Variants in FSTL4 observed in about 807,000 individuals in gnomAD.
FSTL4 encodes the protein follistatin-related protein 4.
In FSTL4, 28 loss-of-function variants were observed where a neutral mutation model predicts 78.2. The observed-to-expected ratio is 0.36, with a 90% confidence interval of 0.27 to 0.49. The LOEUF (loss-of-function observed/expected upper bound fraction) is 0.49. Ranked by LOEUF, FSTL4 falls within the 20% of genes least tolerant of loss-of-function variation. FSTL4 has a pLI of 0.98. For missense variants in FSTL4, 922 were observed against 1,084.9 expected (o/e 0.85, Z 2.11); for synonymous variants, 422 against 440.5 (o/e 0.96, Z 0.53).
intron 4 of FSTL4, among the ~76,000 whole-genome samples, chr5:133,358,789 G>A (rs1755001877): frequency 6.6e-6 from 1 of 151,874 alleles, no homozygotes; most frequent in Non-Finnish European, 1.5e-5. Flanking sequence ...TATTAGAGAT[G>A]GGGTTTCACC....
In FSTL4 at chr5:133,558,637, T is replaced by G. The variant is rs543833975; in HGVS notation, c.160+8549A>C. On this transcript the variant is annotated intron_variant, in intron 3 of 15. Coordinates refer to ENST00000265342, the MANE Select transcript of FSTL4 (RefSeq NM_015082.2). ...ATTTTGTGAAAAGGTTTTTGTTTTT[T>G]TTTTTCTTTTTAATGCAGGCCCTGA... Among the ~76,000 whole-genome samples the G allele has an allele frequency of 2.6e-4, 39 of 152,292 alleles. No homozygotes were observed. In the South Asian group the frequency reaches 6.2e-3, roughly 24 times the overall value.
At chr5:133,276,461 T>C (rs1486398865) in intron 6 of FSTL4, among the ~76,000 whole-genome samples, 1 of 152,160 alleles carries the variant, frequency 6.6e-6, no homozygotes, top group Non-Finnish European at 1.5e-5. Context: ...TGGCAAATTC[T>C]TGAAAAGTGT....
chr5:133,517,930 A>C (rs1195990790), intron 3 of FSTL4, among the ~76,000 whole-genome samples: 2 of 152,202 alleles, frequency 1.3e-5, no homozygotes, highest in South Asian at 4.1e-4. Flanking sequence ...AGGTCCACCC[A>C]CATTATGGAG....
At chr5:133,743,601 A>G in the FSTL4 span, among the ~76,000 whole-genome samples, 1 of 152,390 alleles carries the variant, frequency 6.6e-6, no homozygotes, top group African/African-American at 2.4e-5. Context: ...GAAGTGATTA[A>G]CATATTGTCT....
chr5:133,736,834 G>A, the FSTL4 span, among the ~76,000 whole-genome samples: 61,225 of 152,012 alleles, frequency 0.4, 13,796 homozygotes, highest in South Asian at 0.51. Flanking sequence ...CCTTGTCAGC[G>A]TCAGTCATAG....
chr5:133,680,007 T>C, the FSTL4 span, among the ~76,000 whole-genome samples: 1 of 152,154 alleles, frequency 6.6e-6, no homozygotes, highest in Non-Finnish European at 1.5e-5. Flanking sequence ...AAAGTCAAGA[T>C]GGTGAGAGGA....
chr5:133,351,919 A>G (rs1754831302), intron 4 of FSTL4, among the ~76,000 whole-genome samples: 1 of 151,980 alleles, frequency 6.6e-6, no homozygotes, highest in Non-Finnish European at 1.5e-5. Context: ...TATATTTTGA[A>G]TTTTTAATTA....
At chr5:133,328,030 T>C (rs1754257138) in intron 4 of FSTL4, among the ~76,000 whole-genome samples, 1 of 152,248 alleles carries the variant, frequency 6.6e-6, no homozygotes, top group African/African-American at 2.4e-5. Context: ...TCAGCTAATT[T>C]TGAATTTTCT....
chr5:133,380,556 G>A (rs1456112742), intron 4 of FSTL4, among the ~76,000 whole-genome samples: 1 of 151,696 alleles, frequency 6.6e-6, no homozygotes, highest in Non-Finnish European at 1.5e-5. Flanking sequence ...AGAAAAGCAA[G>A]GGACCAAATT....
the FSTL4 span, among the ~76,000 whole-genome samples, chr5:133,841,065 C>G: frequency 6.6e-6 from 1 of 152,238 alleles, no homozygotes; most frequent in African/African-American, 2.4e-5. Context: ...ATTGTCTTTT[C>G]CAACTGGGAT....
the FSTL4 span, among the ~76,000 whole-genome samples, chr5:133,646,591 T>C: frequency 0.12 from 18,073 of 152,128 alleles, 1,198 homozygotes; most frequent in Admixed American, 0.22. Flanking sequence ...CTGTCACAGC[T>C]TTCCAGGGAA....
chr5:133,369,440 G>A (rs1755244634), intron 4 of FSTL4, among the ~76,000 whole-genome samples: 1 of 152,130 alleles, frequency 6.6e-6, no homozygotes, highest in African/African-American at 2.4e-5. Flanking sequence ...CAGAGTCTCA[G>A]AATATCATGA....
intron 7 of FSTL4, chr5:133,243,720 C>G (rs1751949983): frequency 6.6e-6 from 1 of 152,260 alleles, no homozygotes; most frequent in Admixed American, 6.5e-5. Context: ...GACCTCACAA[C>G]CGGCACGGAG....
intron 4 of FSTL4, among the ~76,000 whole-genome samples, chr5:133,362,557 C>T (rs375310689): frequency 5.3e-5 from 8 of 152,340 alleles, no homozygotes; most frequent in East Asian, 3.9e-4. Flanking sequence ...TTTCTCAGTG[C>T]GTCTGTGGGG....
rs542820597 is a variant in FSTL4, at chr5:133,427,983, C to T, written c.161-26997G>A. Among the ~76,000 whole-genome samples the T allele has an allele frequency of 5.9e-5, 9 of 152,244 alleles. No individual in the cohort carries two copies. The South Asian group carries it at 1.9e-3, about 32-fold the overall frequency. On this transcript the variant is annotated intron_variant, in intron 3 of 15. Coordinates refer to ENST00000265342, the MANE Select transcript of FSTL4 (RefSeq NM_015082.2). Reference sequence around the variant, plus strand: ...TATTTCAAGAACTCTTCTGGAGTCCCTAATGGGAGAAAAATCACACTCTAT... The same window carrying T: ...TATTTCAAGAACTCTTCTGGAGTCCTTAATGGGAGAAAAATCACACTCTAT...
At position 133,249,783 on chromosome 5, in the gene FSTL4, G is replaced by T. The variant is rs930145954; in HGVS notation, c.728-207C>A. 2.6e-5 allele frequency among the ~76,000 whole-genome samples: 4 copies of T among 152,258 alleles called. No homozygotes were observed. The East Asian group carries it at 7.7e-4, about 29-fold the overall frequency. ...CAAGACTTAGGTCAAATGCCCAAAA[G>T]GCTATGTGAGTCCAAACAGGTCAAA... is the stretch of plus-strand genomic sequence containing the variant. On this transcript the variant is annotated intron_variant, in intron 6 of 15. Transcript: ENST00000265342.
intron 3 of FSTL4, among the ~76,000 whole-genome samples, chr5:133,538,875 G>A (rs1759408118): frequency 6.6e-6 from 1 of 152,146 alleles, no homozygotes; most frequent in African/African-American, 2.4e-5. Context: ...GCCAGAGCTG[G>A]GAGAGCGGGG....
At chr5:133,816,249 T>C in the FSTL4 span, among the ~76,000 whole-genome samples, 9 of 152,342 alleles carry the variant, frequency 5.9e-5, no homozygotes, top group East Asian at 1.7e-3. Context: ...CACTCTGGGC[T>C]GCTGGAGCTA....
At chr5:133,211,972 C>T (rs1750743387) in intron 13 of FSTL4, among the ~76,000 whole-genome samples, 1 of 152,090 alleles carries the variant, frequency 6.6e-6, no homozygotes, top group Non-Finnish European at 1.5e-5. Context: ...TTTAATTACT[C>T]TCTTGCTTTA....
Sources: allele counts gnomAD v4.1 joint callset (sites outside exome capture counted in the v4.1 genomes callset), GRCh38; gene constraint gnomAD v4.1.1; transcripts MANE v1.5; gene names NCBI Gene and HGNC (gene_info 2026-07-23, HGNC 2026-07-21).